CPNE4: variants seen among roughly 807,000 people sequenced by gnomAD.
The protein encoded by CPNE4 is copine-4.
CPNE4 carries 25 observed loss-of-function variants against 67.9 expected under a neutral mutation model. That is an observed-to-expected ratio of 0.37 (90% CI 0.27 to 0.51). CPNE4 has a LOEUF of 0.51. Ranked by LOEUF, CPNE4 falls within the 20% of genes least tolerant of loss-of-function variation. The pLI is 0.93. For missense variants in CPNE4, 464 were observed against 690.8 expected, an observed-to-expected ratio of 0.67 and a Z score of 3.68; for synonymous variants, 242 against 244.9, an observed-to-expected ratio of 0.99 and a Z score of 0.11.
intron 2 of CPNE4, among the ~76,000 whole-genome samples, chr3:131,815,445 C>T (rs1310165907): frequency 6.6e-6 from 1 of 152,128 alleles, no homozygotes; most frequent in African/African-American, 2.4e-5. Flanking sequence ...TAAATTCTAG[C>T]GTGAGGGAGC....
intron 7 of CPNE4, among the ~76,000 whole-genome samples, chr3:131,650,682 T>C (rs555535491): frequency 7.8e-6 from 1 of 127,454 alleles, no homozygotes; most frequent in Admixed American, 9.1e-5. Context: ...GAGGCGGAGC[T>C]TGCAGTGAGC....
chr3:131,542,757 T>C lies in CPNE4; in HGVS notation c.1339A>G (p.Ile447Val), dbSNP rs757623652. 2 of 1,613,744 alleles carry C rather than the reference T, an allele frequency of 1.2e-6. No individual in the cohort carries two copies. The highest frequency in any genetic ancestry group is 1.7e-6 in the Non-Finnish European group (2 of 1,179,860). The change falls in exon 15 of 16, where the codon ATC becomes GTC. Residue 447 changes from isoleucine (I) to valine (V), a missense_variant. Ile to Val is a conservative substitution (Grantham distance 29). This residue lies in a region of CPNE4 where 201 missense variants were observed against 357.7 expected (regional missense o/e 0.56). Coordinates refer to ENST00000429747, the MANE Select transcript of CPNE4 (RefSeq NM_130808.3). ...FILLILTDGV[I>V]TDMADTREAI... ...TCCCGGGTGTCGGCCATGTCTGTGA[T>C]AACACCATCTGTCAGGATCAGCAGG...
chr3:131,902,784 A>G (rs183730640), intron 2 of CPNE4, among the ~76,000 whole-genome samples: 56 of 152,260 alleles, frequency 3.7e-4, no homozygotes, highest in African/African-American at 1.1e-3. Flanking sequence ...CCAAGGAGTT[A>G]CTTTTTTATA....
At chr3:131,786,508 T>A (rs2083566427) in intron 2 of CPNE4, among the ~76,000 whole-genome samples, 1 of 152,206 alleles carries the variant, frequency 6.6e-6, no homozygotes, top group Non-Finnish European at 1.5e-5. Context: ...CCTTTTCTAA[T>A]GTAATCATCC....
Position 131,757,985 on chromosome 3 carries a change from G to T in CPNE4, c.181-34360C>A, listed in dbSNP as rs142986627. On this transcript the variant is annotated intron_variant, in intron 2 of 15. Coordinates refer to ENST00000429747, the MANE Select transcript of CPNE4 (RefSeq NM_130808.3). ...AACCTCTGCCTAGATTTCAGAAGAT[G>T]TATGGAAATGCCTGGATTCCCAGGC... 3.9e-3 allele frequency among the ~76,000 whole-genome samples: 592 copies of T among 152,338 alleles called. 6 individuals are homozygous for T. The highest frequency in any genetic ancestry group is 0.013 in the African/African-American group (561 of 41,578).
At chr3:131,791,130 AC>A (rs1416450441) in intron 2 of CPNE4, among the ~76,000 whole-genome samples, 79 of 152,176 alleles carry the variant, frequency 5.2e-4, no homozygotes, top group African/African-American at 1.8e-3. Context: ...TCCCACAATT[AC>A]TTAATGTATC....
At chr3:131,547,670 T>C (rs1935945931) in intron 14 of CPNE4, among the ~76,000 whole-genome samples, 1 of 152,040 alleles carries the variant, frequency 6.6e-6, no homozygotes, top group Non-Finnish European at 1.5e-5. Context: ...TAAAGGCTAA[T>C]ATATCCACAG....
intron 2 of CPNE4, among the ~76,000 whole-genome samples, chr3:131,797,326 A>G (rs1463792871): frequency 6.6e-6 from 1 of 152,096 alleles, no homozygotes; most frequent in East Asian, 1.9e-4. Context: ...GAAATCTCCA[A>G]TTTACTGGGG....
At chr3:131,584,960 T>A (rs1938081196) in intron 8 of CPNE4, among the ~76,000 whole-genome samples, 1 of 152,222 alleles carries the variant, frequency 6.6e-6, no homozygotes, top group Non-Finnish European at 1.5e-5. Context: ...GACCACATCC[T>A]ATGAATGGTT....
At chr3:131,809,367 C>A (rs111447655) in intron 2 of CPNE4, among the ~76,000 whole-genome samples, 5,619 of 152,188 alleles carry the variant, frequency 0.037, 359 homozygotes, top group African/African-American at 0.13. Flanking sequence ...AGAGGGAACA[C>A]AGCTCTGTTA....
chr3:131,715,975 G>A (rs139976225), intron 3 of CPNE4, among the ~76,000 whole-genome samples: 1 of 152,218 alleles, frequency 6.6e-6, no homozygotes, highest in East Asian at 1.9e-4. Context: ...CTATGTCCTC[G>A]TGATGCATCC....
chr3:131,980,596 ACTT>A (rs2072880346), intron 1 of CPNE4, among the ~76,000 whole-genome samples: 1 of 151,100 alleles, frequency 6.6e-6, no homozygotes, highest in Non-Finnish European at 1.5e-5. Context: ...TTCTCCCTTC[ACTT>A]CTTGTATCAT....
intron 1 of CPNE4, among the ~76,000 whole-genome samples, chr3:131,975,539 T>C (rs930148411): frequency 6.6e-6 from 1 of 152,196 alleles, no homozygotes; most frequent in African/African-American, 2.4e-5. Flanking sequence ...TTCTTCAGCA[T>C]AGTTCACCTC....
At chr3:131,710,470 T>A (rs1405938020) in intron 3 of CPNE4, among the ~76,000 whole-genome samples, 1 of 152,168 alleles carries the variant, frequency 6.6e-6, no homozygotes, top group Non-Finnish European at 1.5e-5. Context: ...AGTGACAGCA[T>A]ATGGGAAGAA....
intron 2 of CPNE4, among the ~76,000 whole-genome samples, chr3:131,850,507 G>A (rs2107642761): frequency 6.6e-6 from 1 of 152,216 alleles, no homozygotes; most frequent in South Asian, 2.1e-4. Flanking sequence ...TATGCCAGTA[G>A]AAGATCTCAA....
At chr3:131,574,230 A>G (rs534361048) in intron 10 of CPNE4, among the ~76,000 whole-genome samples, 2 of 152,168 alleles carry the variant, frequency 1.3e-5, no homozygotes, top group Non-Finnish European at 2.9e-5. Flanking sequence ...ATGCTGTACA[A>G]GTTACATCTC....
At chr3:131,936,559 G>C (rs2071228866) in intron 1 of CPNE4, among the ~76,000 whole-genome samples, 1 of 151,644 alleles carries the variant, frequency 6.6e-6, no homozygotes. Flanking sequence ...ACTAATTCAG[G>C]AAAATCAAAC....
chr3:131,576,953 G>A (rs1937564599), intron 9 of CPNE4, among the ~76,000 whole-genome samples: 1 of 152,092 alleles, frequency 6.6e-6, no homozygotes, highest in East Asian at 1.9e-4. Flanking sequence ...AAAATGATTG[G>A]TTTGTATATC....
At chr3:131,669,834 A>T (rs1404992579) in intron 6 of CPNE4, 70 bp from the exon 7 acceptor site, 6 of 1,196,244 alleles carry the variant, frequency 5.0e-6, no homozygotes, top group African/African-American at 1.5e-5. Context: ...CCACATTAAA[A>T]CTGCTTGAGA....
Sources: gnomAD v4.1 joint callset for allele counts (sites outside exome capture counted in the v4.1 genomes callset) on GRCh38, gnomAD v4.1.1 for gene constraint, gnomAD v4.1.1 regional missense constraint, MANE v1.5 for transcripts, NCBI Gene and HGNC (gene_info 2026-07-23, HGNC 2026-07-21) for gene names.